Variants in SMOC2 observed in about 807,000 individuals in gnomAD.
SMOC2 encodes SPARC related modular calcium binding 2.
A neutral mutation model predicts 61.4 loss-of-function variants in SMOC2; 39 were observed. That is an observed-to-expected ratio of 0.64 (90% confidence interval 0.49 to 0.83). The LOEUF is 0.83. SMOC2 is among the 40% of genes least tolerant of loss of function. SMOC2 has a pLI of 0.00. For missense variants in SMOC2, 556 were observed against 592.9 expected, an observed-to-expected ratio of 0.94 and a Z score of 0.65; for synonymous variants, 247 against 239.9, an observed-to-expected ratio of 1.03 and a Z score of -0.27.
At chr6:168,471,330 T>C (rs572087038) in intron 1 of SMOC2, among the ~76,000 whole-genome samples, 1 of 152,162 alleles carries the variant, frequency 6.6e-6, no homozygotes, top group Non-Finnish European at 1.5e-5. Flanking sequence ...ATATGTAGAA[T>C]CATGCAGTAG....
At chr6:168,461,512 T>C (rs758263193) in intron 1 of SMOC2, among the ~76,000 whole-genome samples, 13 of 152,248 alleles carry the variant, frequency 8.5e-5, no homozygotes. Flanking sequence ...GCCCTTTCAG[T>C]TGAACCAAAC....
At chr6:168,468,970 G>A (rs1364366378) in intron 1 of SMOC2, among the ~76,000 whole-genome samples, 1 of 152,218 alleles carries the variant, frequency 6.6e-6, no homozygotes, top group Non-Finnish European at 1.5e-5. Flanking sequence ...GAAGCAGCAC[G>A]CATACAGACA....
chr6:168,646,538 AT>A (rs1787036638), intron 9 of SMOC2, among the ~76,000 whole-genome samples: 1 of 152,240 alleles, frequency 6.6e-6, no homozygotes, highest in Non-Finnish European at 1.5e-5. Context: ...TGAAACAGGA[AT>A]TTTTATACAA....
At chr6:168,585,876 C>T (rs1007086774) in intron 7 of SMOC2, among the ~76,000 whole-genome samples, 9 of 152,160 alleles carry the variant, frequency 5.9e-5, no homozygotes, top group East Asian at 1.9e-4. Context: ...GATTTGCAGA[C>T]GTTGTTTATA....
chr6:168,533,704 G>A (rs1783663656), intron 4 of SMOC2, among the ~76,000 whole-genome samples: 2 of 152,074 alleles, frequency 1.3e-5, no homozygotes, highest in Admixed American at 1.3e-4. Context: ...ACCTCAAAAC[G>A]GCTTTTTCTT....
chr6:168,505,956 C>A (rs576201454), intron 1 of SMOC2, among the ~76,000 whole-genome samples: 2 of 152,074 alleles, frequency 1.3e-5, no homozygotes, highest in Non-Finnish European at 2.9e-5. Flanking sequence ...AAAGCAAACA[C>A]GTGGATGCCA....
intron 4 of SMOC2, among the ~76,000 whole-genome samples, chr6:168,542,154 G>C (rs1198621149): frequency 6.6e-6 from 1 of 152,132 alleles, no homozygotes; most frequent in Non-Finnish European, 1.5e-5. Context: ...AAAATAAACT[G>C]ATGACTGAGA....
At chr6:168,664,362 T>C in intron 12 of SMOC2, 4 of 505,688 alleles carry the variant, frequency 7.9e-6, no homozygotes, top group South Asian at 7.3e-5. Context: ...GAAAAATTTC[T>C]GAGTTTCCTT....
At chr6:168,540,724 G>A (rs900645154) in intron 4 of SMOC2, among the ~76,000 whole-genome samples, 11 of 152,156 alleles carry the variant, frequency 7.2e-5, no homozygotes, top group East Asian at 5.8e-4. Flanking sequence ...CAGAGACGCC[G>A]TCTAGACCAG....
At chr6:168,562,799 C>T (rs1248496633) in intron 7 of SMOC2, among the ~76,000 whole-genome samples, 2 of 152,134 alleles carry the variant, frequency 1.3e-5, no homozygotes, top group African/African-American at 2.4e-5. Flanking sequence ...GAGCGTTGCC[C>T]GTGGAGCTGT....
intron 11 of SMOC2, among the ~76,000 whole-genome samples, chr6:168,656,507 T>TAAAAAAAAAAAAAAAAAA (rs5881805): frequency 8.1e-5 from 7 of 86,778 alleles, no homozygotes; most frequent in Non-Finnish European, 1.5e-4. Flanking sequence ...GACTTTGTGT[T>TAAAAAAAAAAAAAAAAAA]AAAAAAAAAA....
intron 7 of SMOC2, among the ~76,000 whole-genome samples, chr6:168,569,642 C>T (rs977903565): frequency 6.6e-6 from 1 of 152,110 alleles, no homozygotes; most frequent in South Asian, 2.1e-4. Context: ...CAGGGTTTGG[C>T]CATGTTGCCC....
chr6:168,523,309 C>T (rs1237162324), intron 2 of SMOC2, among the ~76,000 whole-genome samples: 13 of 145,778 alleles, frequency 8.9e-5, no homozygotes, highest in African/African-American at 2.3e-4. Context: ...AGGATGGTCT[C>T]GATCTCCTGA....
At chr6:168,515,478 G>A (rs942780679) in intron 2 of SMOC2, among the ~76,000 whole-genome samples, 1 of 152,242 alleles carries the variant, frequency 6.6e-6, no homozygotes, top group African/African-American at 2.4e-5. Flanking sequence ...GTTGCCTCCA[G>A]TTAAGTCTGT....
At chr6:168,506,960 T>C (rs1056888932) in intron 1 of SMOC2, among the ~76,000 whole-genome samples, 1 of 152,262 alleles carries the variant, frequency 6.6e-6, no homozygotes, top group Non-Finnish European at 1.5e-5. Flanking sequence ...ACTGTCTTCC[T>C]GTGAAATTTA....
chr6:168,485,606 C>T (rs76595288), intron 1 of SMOC2, among the ~76,000 whole-genome samples: 6,375 of 152,098 alleles, frequency 0.042, 206 homozygotes, highest in South Asian at 0.16. Flanking sequence ...ATATAAAATG[C>T]CCAGAATAGG....
At chr6:168,540,073 G>A (rs1187386271) in intron 4 of SMOC2, among the ~76,000 whole-genome samples, 1 of 152,238 alleles carries the variant, frequency 6.6e-6, no homozygotes, top group Non-Finnish European at 1.5e-5. Flanking sequence ...CATCAGCTGT[G>A]TACACGGTTG....
At chr6:168,457,684 C>T (rs1345853766) in intron 1 of SMOC2, among the ~76,000 whole-genome samples, 5 of 152,036 alleles carry the variant, frequency 3.3e-5, no homozygotes, top group Non-Finnish European at 5.9e-5. Flanking sequence ...CCCACGCCCA[C>T]GAGTACATGT....
chr6:168,478,089 C>T (rs1782131293), intron 1 of SMOC2, among the ~76,000 whole-genome samples: 2 of 152,264 alleles, frequency 1.3e-5, no homozygotes, highest in African/African-American at 4.8e-5. Context: ...TCCCTTTACC[C>T]TTGAAGGGAA....
Sources: gnomAD v4.1 joint callset for allele counts (sites outside exome capture counted in the v4.1 genomes callset) on GRCh38, gnomAD v4.1.1 for gene constraint, MANE v1.5 for transcripts, NCBI Gene and HGNC (gene_info 2026-07-23, HGNC 2026-07-21) for gene names.